TRPS1: variants seen among roughly 807,000 people sequenced by gnomAD.
The protein encoded by TRPS1 is transcriptional repressor GATA binding 1, also known as zinc finger transcription factor Trps1.
TRPS1 carries 6 observed loss-of-function variants against 101.2 expected under a neutral mutation model. The observed-to-expected ratio is 0.06, with a 90% CI of 0.03 to 0.12. The LOEUF is 0.12. Ranked by LOEUF, TRPS1 falls within the 10% of genes least tolerant of loss-of-function variation. TRPS1 has a pLI of 1.00. For synonymous variants in TRPS1, 578 were observed against 589.8 expected (o/e 0.98, Z 0.29); for missense variants, 1,363 against 1,567.0 (o/e 0.87, Z 2.20).
intron 5 of TRPS1, among the ~76,000 whole-genome samples, chr8:115,461,308 C>G (rs868369079): frequency 1.7e-4 from 18 of 105,460 alleles, no homozygotes; most frequent in East Asian, 6.7e-4. Flanking sequence ...TAGACAGATA[C>G]ATACATACAT....
intron 5 of TRPS1, among the ~76,000 whole-genome samples, chr8:115,479,191 T>C (rs995836043): frequency 1.3e-5 from 2 of 152,110 alleles, no homozygotes; most frequent in Non-Finnish European, 2.9e-5. Context: ...AAAATAACAA[T>C]TGTCAGTTAA....
intron 5 of TRPS1, among the ~76,000 whole-genome samples, chr8:115,487,879 T>A (rs188178395): frequency 1.3e-5 from 2 of 152,238 alleles, no homozygotes; most frequent in Non-Finnish European, 1.5e-5. Flanking sequence ...GAATATTACA[T>A]CAACGTAGTT....
At chr8:115,491,758 C>T (rs1368671506) in intron 5 of TRPS1, among the ~76,000 whole-genome samples, 53 of 152,174 alleles carry the variant, frequency 3.5e-4, no homozygotes, top group Non-Finnish European at 1.6e-4. Flanking sequence ...CCTCAACCGC[C>T]TGTTGCTGAG....
chr8:115,559,630 G>C (rs549845670), intron 5 of TRPS1, among the ~76,000 whole-genome samples: 18 of 152,272 alleles, frequency 1.2e-4, no homozygotes, highest in African/African-American at 4.1e-4. Flanking sequence ...ATGTGTGAAT[G>C]AATCTAGCTT....
At chr8:115,668,011 A>G in intron 1 of TRPS1, 1 of 1,091,954 alleles carries the variant, frequency 9.2e-7, no homozygotes, top group Non-Finnish European at 1.3e-6. Context: ...GAGAATTAAA[A>G]TCAGCCAGAA....
At chr8:115,538,895 G>A (rs1460665575) in intron 5 of TRPS1, among the ~76,000 whole-genome samples, 5 of 152,082 alleles carry the variant, frequency 3.3e-5, no homozygotes, top group Non-Finnish European at 4.4e-5. Flanking sequence ...ATCTAAAGTC[G>A]TACTTTTTAA....
rs1193416210 is a variant in TRPS1, at chr8:115,535,163, TATGTATTGC to T, written c.2700+51829_2700+51837del. Among the ~76,000 whole-genome samples the T allele has an allele frequency of 4.8e-3, 218 of 45,562 alleles. 1 individual carries two copies. The highest frequency in any genetic ancestry group is 0.01 in the Middle Eastern group (1 of 98). 29.9% of individuals were successfully genotyped at this position (45,562 alleles called of 152,430 possible). On this transcript the variant is annotated intron_variant, in intron 5 of 6. Transcript: ENST00000395715. ...GCATATATATAGCATATGTATAGCA[TATGTATTGC>T]ATATATAGCATATGTATAGCATATA...
chr8:115,483,577 T>A (rs1415100176), intron 5 of TRPS1, among the ~76,000 whole-genome samples: 2 of 151,404 alleles, frequency 1.3e-5, no homozygotes, highest in Non-Finnish European at 2.9e-5. Flanking sequence ...CATCCTATGA[T>A]AAATAATCAT....
At chr8:115,608,128 G>GA (rs1040299542) in intron 3 of TRPS1, among the ~76,000 whole-genome samples, 3 of 152,100 alleles carry the variant, frequency 2.0e-5, no homozygotes, top group South Asian at 4.1e-4. Context: ...CACGGAGTAG[G>GA]AAAATTTACT....
chr8:115,657,839 A>G lies in TRPS1; in HGVS notation c.-122+10706T>C, dbSNP rs982803114. Among the ~76,000 whole-genome samples the G allele has an allele frequency of 2.0e-5, 3 of 151,944 alleles. No individual in the cohort carries two copies. In the South Asian group the frequency reaches 6.2e-4, roughly 31 times the overall value. On this transcript the variant is annotated intron_variant, in intron 1 of 6. Coordinates refer to ENST00000395715, the MANE Select transcript of TRPS1 (RefSeq NM_014112.5). ...AGCAAACTCCTACTCAATAGCAAAC[A>G]ATAAAATAAAATAAAATAAAGTATG... is the stretch of plus-strand genomic sequence containing the variant.
In TRPS1 at chr8:115,414,090, G is replaced by A. The variant is rs1812852737; in HGVS notation, c.3818C>T (p.Thr1273Ile). The A allele has an allele frequency of 6.2e-7, 1 of 1,613,780 alleles. No individual in the cohort carries two copies. Among genetic ancestry groups the A allele is most frequent in the South Asian group, 1.1e-5 (1 of 91,076 alleles). ...HLCTDKYDFTTHIQRGLHRNN... is the reference protein window; with the variant it reads ...HLCTDKYDFTIHIQRGLHRNN... Reference sequence around the variant, plus strand: ...CCTATGCAGGCCCCTCTGGATATGTGTTGTGAAGTCATATTTGTCCGTGCA... The same window carrying A: ...CCTATGCAGGCCCCTCTGGATATGTATTGTGAAGTCATATTTGTCCGTGCA... The change falls in exon 7 of 7, where the codon ACA becomes ATA. Residue 1273 changes from threonine (T) to isoleucine (I), a missense_variant. Coordinates refer to ENST00000395715, the MANE Select transcript of TRPS1 (RefSeq NM_014112.5). This position sits in a 1 kb window ranked among gnomAD's most constrained non-coding sequence, Gnocchi z 4.8.
rs1030563861 is a variant in TRPS1 at position 115,584,031 on chromosome 8, T to C, written c.2700+2970A>G. On this transcript the variant is annotated intron_variant, in intron 5 of 6. Coordinates refer to ENST00000395715, the MANE Select transcript of TRPS1 (RefSeq NM_014112.5). ...CAAACTTTCATTGCTAAAACCAGTTTAAAAAAAAAAGTTATCAGAAAGACT... is the reference window on the plus strand; with the variant it reads ...CAAACTTTCATTGCTAAAACCAGTTCAAAAAAAAAAGTTATCAGAAAGACT... 8.0e-4 allele frequency among the ~76,000 whole-genome samples: 120 copies of C among 149,618 alleles called. 2 individuals are homozygous for C. Among genetic ancestry groups the C allele is most frequent in the African/African-American group, 2.8e-3 (115 of 40,960 alleles).
chr8:115,644,607 G>T (rs1299667587), intron 1 of TRPS1, among the ~76,000 whole-genome samples: 1 of 152,240 alleles, frequency 6.6e-6, no homozygotes, highest in Non-Finnish European at 1.5e-5. Flanking sequence ...GTTCAACAGA[G>T]TGGCACTTTT....
intron 1 of TRPS1, among the ~76,000 whole-genome samples, chr8:115,642,896 C>A (rs1260765083): frequency 6.8e-6 from 1 of 147,790 alleles, no homozygotes; most frequent in Non-Finnish European, 1.5e-5. Context: ...ATATATATAA[C>A]ACCTCGGAGA....
intron 5 of TRPS1, among the ~76,000 whole-genome samples, chr8:115,535,419 CATAT>C (rs749784862): frequency 7.5e-6 from 1 of 132,604 alleles, no homozygotes; most frequent in South Asian, 2.1e-4. Context: ...ATATATAGTG[CATAT>C]ATATAGTGCA....
In TRPS1 at chr8:115,619,623, C is replaced by T. The variant is rs753137261; in HGVS notation, c.475G>A (p.Asp159Asn). The T allele has an allele frequency of 6.2e-7, 1 of 1,614,086 alleles. No homozygotes were observed. Among genetic ancestry groups the T allele is most frequent in the African/African-American group, 1.3e-5 (1 of 74,928 alleles). ...TGATCTTCCTTTGTCTCCAGTGAGTCCCCTGAGGGGGTGCAGGCCATATCT... is the reference window on the plus strand; with the variant it reads ...TGATCTTCCTTTGTCTCCAGTGAGTTCCCTGAGGGGGTGCAGGCCATATCT... ...PQDMACTPSGDSLETKEDQKM... is the reference protein window; with the variant it reads ...PQDMACTPSGNSLETKEDQKM... The change falls in exon 3 of 7, where the codon GAC (aspartate) becomes AAC (asparagine). Residue 159 changes from aspartate (D) to asparagine (N), a missense_variant. Coordinates refer to ENST00000395715, the MANE Select transcript of TRPS1 (RefSeq NM_014112.5).
At chr8:115,614,162 A>C (rs141267299) in intron 3 of TRPS1, among the ~76,000 whole-genome samples, 1 of 152,316 alleles carries the variant, frequency 6.6e-6, no homozygotes, top group African/African-American at 2.4e-5. Flanking sequence ...CCAAGAAATA[A>C]AAAAACACTG....
At chr8:115,603,829 A>G (rs773964209) in intron 4 of TRPS1, 44 bp downstream of exon 4, 29 of 1,607,694 alleles carry the variant, frequency 1.8e-5, no homozygotes, top group Non-Finnish European at 2.3e-5. Flanking sequence ...TTTTTCTATT[A>G]TTTTATTTGT....
At chr8:115,589,042 T>C (rs1817627692) in intron 4 of TRPS1, among the ~76,000 whole-genome samples, 1 of 152,152 alleles carries the variant, frequency 6.6e-6, no homozygotes, top group Admixed American at 6.5e-5. Flanking sequence ...AGGAAGGACT[T>C]TCTGAGGGAG....
Sources: gnomAD v4.1 joint callset for allele counts (sites outside exome capture counted in the v4.1 genomes callset) on GRCh38, gnomAD v4.1.1 for gene constraint, Gnocchi (gnomAD v3.1) non-coding constraint, MANE v1.5 for transcripts, NCBI Gene and HGNC (gene_info 2026-07-23, HGNC 2026-07-21) for gene names.